Variants in GIPC3 observed in about 807,000 individuals in gnomAD.
GIPC3 encodes the protein PDZ domain-containing protein GIPC3.
A neutral mutation model predicts 27.3 loss-of-function variants in GIPC3; 16 were observed. That is an observed-to-expected ratio of 0.59 (90% CI 0.40 to 0.89). The LOEUF is 0.89. GIPC3 is among the 40% of genes least tolerant of loss of function. The pLI is 0.00. For synonymous variants in GIPC3, 194 were observed against 184.6 expected, an observed-to-expected ratio of 1.05 and a Z score of -0.41; for missense variants, 440 against 442.1, an observed-to-expected ratio of 1.00 and a Z score of 0.04.
In GIPC3 at chr19:3,585,815, C is replaced by G. The variant is rs1435486773; in HGVS notation, c.218C>G (p.Pro73Arg). The G allele has an allele frequency of 3.2e-6, 5 of 1,544,908 alleles. No individual in the cohort carries two copies. The highest frequency in any genetic ancestry group is 4.4e-6 in the Non-Finnish European group (5 of 1,146,110). Residue 73 changes from proline (P) to arginine (R), a missense_variant, in exon 1 of 6, where the codon CCC becomes CGC. Pro to Arg is a moderately radical substitution (Grantham distance 103, BLOSUM62 -2). Transcript: ENST00000644452. ...ATCGCCGAAGCCTTCGGGATCGCGCCCACCGAGGTAAGGAGCCCGGACACC... is the reference window on the plus strand; with the variant it reads ...ATCGCCGAAGCCTTCGGGATCGCGCGCACCGAGGTAAGGAGCCCGGACACC... Reference protein sequence around the residue: ...AKIAEAFGIAPTEILFCTLNS... With the variant: ...AKIAEAFGIARTEILFCTLNS...
In GIPC3 at chr19:3,591,630, C is replaced by T; in HGVS notation, c.*1440C>T. On this transcript the variant is annotated 3_prime_UTR_variant, in exon 6 of 6. Transcript: ENST00000644452. Reference sequence around the variant, plus strand: ...AAGAACTCAGACCAGCTCAGAAACCCAGGTCCACACGGCTGCCCAGTCCAG... The same window carrying T: ...AAGAACTCAGACCAGCTCAGAAACCTAGGTCCACACGGCTGCCCAGTCCAG... The T allele has an allele frequency of 8.1e-7, 1 of 1,233,656 alleles. No homozygotes were observed. Among genetic ancestry groups the T allele is most frequent in the Non-Finnish European group, 1.0e-6 (1 of 989,292 alleles). The allele number at this position is 1,233,656 out of a possible 1,614,324, so 76.4% of individuals were successfully genotyped here. A position where few individuals can be genotyped will look rare whatever the true frequency, so the allele number is the denominator to read the frequency against.
rs906870590 is a variant in GIPC3 at position 3,591,422 on chromosome 19, C to T, written c.*1232C>T. ...AGGCTAGCTCGGAGACCAAGCCCTGCTGGAAAACTCAAGCTGACTCTGGAA... is the reference window on the plus strand; with the variant it reads ...AGGCTAGCTCGGAGACCAAGCCCTGTTGGAAAACTCAAGCTGACTCTGGAA... On this transcript the variant is annotated 3_prime_UTR_variant, in exon 6 of 6. Transcript: ENST00000644452. 4.2e-5 allele frequency: 52 copies of T among 1,232,192 alleles called. No homozygotes were observed. The highest frequency in any genetic ancestry group is 5.2e-5 in the Non-Finnish European group (51 of 988,174). The allele number at this position is 1,232,192 out of a possible 1,614,324, so 76.3% of individuals were successfully genotyped here.
At position 3,591,728 on chromosome 19, in the gene GIPC3, C is replaced by G; in HGVS notation, c.*1538C>G. The G allele has an allele frequency of 8.1e-7, 1 of 1,233,824 alleles. No individual in the cohort carries two copies. Among genetic ancestry groups the G allele is most frequent in the Non-Finnish European group, 1.0e-6 (1 of 989,366 alleles). The allele number at this position is 1,233,824 out of a possible 1,614,324, so 76.4% of individuals were successfully genotyped here. A position where few individuals can be genotyped will look rare whatever the true frequency, so the allele number is the denominator to read the frequency against. On this transcript the variant is annotated 3_prime_UTR_variant, in exon 6 of 6. Transcript: ENST00000644452. ...AGTCCAGCTCCAGTGATGATTCCAGCTCTGAGACTGAGCCCAGCTCTAGAA... is the reference window on the plus strand; with the variant it reads ...AGTCCAGCTCCAGTGATGATTCCAGGTCTGAGACTGAGCCCAGCTCTAGAA...
intron 3 of GIPC3, among the ~76,000 whole-genome samples, chr19:3,587,695 C>CTTTTTTCTTTTTTTTT (rs548820972): frequency 7.6e-6 from 1 of 131,204 alleles, no homozygotes. Context: ...CTTTTCTTTT[C>CTTTTTTCTTTTTTTTT]TTTTTTTTTT....
Position 3,586,519 on chromosome 19 carries a change from CA to C in GIPC3, c.251del (p.His84ProfsTer13). 1 of 1,613,854 alleles carries C rather than the reference CA, an allele frequency of 6.2e-7. No homozygotes were observed. Among genetic ancestry groups the C allele is most frequent in the Non-Finnish European group, 8.5e-7 (1 of 1,179,976 alleles). ...GATTTTATTCTGCACCCTCAACAGC[CA>C]CAAAGTGGACATGCAGAAGCTCCTG... ...TEILFCTLNSHKVDMQKLLGG... is the reference protein window; with the variant it reads ...TEILFCTLNSXKVDMQKLLGG... On this transcript the variant is annotated frameshift_variant, in exon 2 of 6. Transcript: ENST00000644452. LOFTEE classifies it high-confidence loss of function.
In GIPC3 at chr19:3,592,133, A is replaced by G; in HGVS notation, c.*1943A>G. The G allele has an allele frequency of 8.1e-7, 1 of 1,231,942 alleles. No homozygotes were observed. The highest frequency in any genetic ancestry group is 1.0e-6 in the Non-Finnish European group (1 of 988,028). The allele number at this position is 1,231,942 out of a possible 1,614,324, so 76.3% of individuals were successfully genotyped here. A position where few individuals can be genotyped will look rare whatever the true frequency, so the allele number is the denominator to read the frequency against. On this transcript the variant is annotated 3_prime_UTR_variant, in exon 6 of 6. Transcript: ENST00000644452. Reference sequence around the variant, plus strand: ...CTGGGACCCAGGCCATCGCAGCAATAGAATTAAGCTCCACAGCCCTGTCTA... The same window carrying G: ...CTGGGACCCAGGCCATCGCAGCAATGGAATTAAGCTCCACAGCCCTGTCTA...
At position 3,586,670 on chromosome 19, in the gene GIPC3, C is replaced by A; in HGVS notation, c.401C>A (p.Ala134Asp). 1.2e-6 allele frequency: 2 copies of A among 1,609,742 alleles called. No individual in the cohort carries two copies. The highest frequency in any genetic ancestry group is 1.7e-6 in the Non-Finnish European group (2 of 1,177,174). Residue 134 changes from alanine to aspartate, a missense_variant, in exon 2 of 6, where the codon GCC becomes GAC. Physicochemically the swap from Ala to Asp is moderately radical, Grantham distance 126. Coordinates refer to ENST00000644452, the MANE Select transcript of GIPC3 (RefSeq NM_133261.3). ...ATCACGGACAACGGGGCTGGCTACG[C>A]CTTCATCAAGGTGCCCGGGAGGGGG... ...LTITDNGAGYAFIKRIKEGSI... is the reference protein window; with the variant it reads ...LTITDNGAGYDFIKRIKEGSI...
At position 3,590,375 on chromosome 19, in the gene GIPC3, A is replaced by G. The variant is rs918955291; in HGVS notation, c.*185A>G. The G allele has an allele frequency of 5.6e-6, 8 of 1,437,416 alleles. No individual in the cohort carries two copies. Among genetic ancestry groups the G allele is most frequent in the Non-Finnish European group, 7.3e-6 (8 of 1,100,336 alleles). The allele number at this position is 1,437,416 out of a possible 1,614,324, so 89.0% of individuals were successfully genotyped here. A position where few individuals can be genotyped will look rare whatever the true frequency, so the allele number is the denominator to read the frequency against. On this transcript the variant is annotated 3_prime_UTR_variant, in exon 6 of 6. Coordinates refer to ENST00000644452, the MANE Select transcript of GIPC3 (RefSeq NM_133261.3). ...TCCAGCCCAGATCTGAGGCCAAGCTATGTGCTAGAGCCCAGGCCAGCTCTG... is the reference window on the plus strand; with the variant it reads ...TCCAGCCCAGATCTGAGGCCAAGCTGTGTGCTAGAGCCCAGGCCAGCTCTG...
Position 3,590,510 on chromosome 19 carries a change from G to A in GIPC3, c.*320G>A. 1 of 1,395,442 alleles carries A rather than the reference G, an allele frequency of 7.2e-7. No individual in the cohort carries two copies. Among genetic ancestry groups the A allele is most frequent in the Non-Finnish European group, 9.3e-7 (1 of 1,080,736 alleles). The allele number at this position is 1,395,442 out of a possible 1,614,324, so 86.4% of individuals were successfully genotyped here. A position where few individuals can be genotyped will look rare whatever the true frequency, so the allele number is the denominator to read the frequency against. On this transcript the variant is annotated 3_prime_UTR_variant, in exon 6 of 6. Coordinates refer to ENST00000644452, the MANE Select transcript of GIPC3 (RefSeq NM_133261.3). The stretch of plus-strand genomic sequence containing the variant: ...GCTTTGAGACCATGCCCAGCACTGA[G>A]ACCAAGCCCTGTTCTAGAACTCAGG...
chr19:3,588,620 G>A (rs1216495606), intron 3 of GIPC3, among the ~76,000 whole-genome samples: 7 of 145,190 alleles, frequency 4.8e-5, no homozygotes, highest in Admixed American at 2.7e-4. Flanking sequence ...GATCACCTGA[G>A]GTCAGGTGAT....
chr19:3,592,965 A>G lies in GIPC3; in HGVS notation c.*2775A>G, dbSNP rs529854229. 1.2e-4 allele frequency: 131 copies of G among 1,058,190 alleles called. 1 individual carries two copies. Among genetic ancestry groups the G allele is most frequent in the South Asian group, 3.4e-4 (7 of 20,606 alleles). 65.6% of individuals were successfully genotyped at this position (1,058,190 alleles called of 1,614,324 possible). On this transcript the variant is annotated 3_prime_UTR_variant, in exon 6 of 6. Transcript: ENST00000644452. ...CCCCAGAGACCCCACCCCAGCCCCT[A>G]GCAAAGACCCCCAGCCTCTGCCTCA... is the stretch of plus-strand genomic sequence containing the variant.
intron 3 of GIPC3, among the ~76,000 whole-genome samples, chr19:3,587,895 T>C (rs530516124): frequency 6.6e-6 from 1 of 151,840 alleles, no homozygotes; most frequent in East Asian, 2.0e-4. Flanking sequence ...TTTACCGTGT[T>C]AGCCAGGACG....
chr19:3,586,373 C>A (rs2145269174), intron 1 of GIPC3, 122 bp from the exon 2 acceptor site: 1 of 869,718 alleles, frequency 1.1e-6, no homozygotes, highest in Non-Finnish European at 1.9e-6. Flanking sequence ...GGGGGTCCCA[C>A]GCCCTGCCCT....
chr19:3,590,265 C>T lies in GIPC3; in HGVS notation c.*75C>T, dbSNP rs893701577. ...GCCCCGGCCCTGCTCCAGAACCCAGCCCAGATCGGAGGACAAGTTCCTCTC... is the reference window on the plus strand; with the variant it reads ...GCCCCGGCCCTGCTCCAGAACCCAGTCCAGATCGGAGGACAAGTTCCTCTC... On this transcript the variant is annotated 3_prime_UTR_variant, in exon 6 of 6. Transcript: ENST00000644452. 2.6e-6 allele frequency: 4 copies of T among 1,520,924 alleles called. No individual in the cohort carries two copies. The highest frequency in any genetic ancestry group is 3.5e-6 in the Non-Finnish European group (4 of 1,132,234). The allele number at this position is 1,520,924 out of a possible 1,614,324, so 94.2% of individuals were successfully genotyped here. A position where few individuals can be genotyped will look rare whatever the true frequency, so the allele number is the denominator to read the frequency against.
In GIPC3 at chr19:3,590,922, A is replaced by G. The variant is rs1433955570; in HGVS notation, c.*732A>G. The G allele has an allele frequency of 4.9e-6, 6 of 1,232,962 alleles. No individual in the cohort carries two copies. In the African/African-American group the frequency reaches 9.4e-5, roughly 19 times the overall value. The allele number at this position is 1,232,962 out of a possible 1,614,324, so 76.4% of individuals were successfully genotyped here. A position where few individuals can be genotyped will look rare whatever the true frequency, so the allele number is the denominator to read the frequency against. On this transcript the variant is annotated 3_prime_UTR_variant, in exon 6 of 6. Transcript: ENST00000644452. ...GAGCTCTGAGACCATGCCCAGCTCT[A>G]GAACTCAGATGAGCTCTGAGACAGA...
chr19:3,590,020 C>T lies in GIPC3; in HGVS notation c.788-19C>T. 11 of 1,613,072 alleles carry T rather than the reference C, an allele frequency of 6.8e-6. No homozygotes were observed. The highest frequency in any genetic ancestry group is 1.1e-5 in the South Asian group (1 of 91,050). Reference sequence around the variant, plus strand: ...GCGGGGAGTGCCCTCACTGACATCCCCTCTGGCACGGCCCGCAGCGTCCAC... The same window carrying T: ...GCGGGGAGTGCCCTCACTGACATCCTCTCTGGCACGGCCCGCAGCGTCCAC... On this transcript the variant is annotated intron_variant, in intron 5 of 5. Transcript: ENST00000644452.
At position 3,590,920 on chromosome 19, in the gene GIPC3, C is replaced by G; in HGVS notation, c.*730C>G. On this transcript the variant is annotated 3_prime_UTR_variant, in exon 6 of 6. Coordinates refer to ENST00000644452, the MANE Select transcript of GIPC3 (RefSeq NM_133261.3). ...ATGAGCTCTGAGACCATGCCCAGCT[C>G]TAGAACTCAGATGAGCTCTGAGACA... The G allele has an allele frequency of 7.3e-6, 9 of 1,234,602 alleles. No homozygotes were observed. Among genetic ancestry groups the G allele is most frequent in the Non-Finnish European group, 9.1e-6 (9 of 989,702 alleles). The allele number at this position is 1,234,602 out of a possible 1,614,324, so 76.5% of individuals were successfully genotyped here.
chr19:3,586,759 C>A (rs941263972), intron 2 of GIPC3, 55 bp from the exon 3 acceptor site: 26 of 1,611,274 alleles, frequency 1.6e-5, no homozygotes, highest in Non-Finnish European at 2.1e-5. Flanking sequence ...GTGGGTTCTG[C>A]GGATTGGAGG....
intron 3 of GIPC3, among the ~76,000 whole-genome samples, chr19:3,588,998 C>T (rs183420146): frequency 6.6e-6 from 1 of 151,946 alleles, no homozygotes; most frequent in East Asian, 1.9e-4. Flanking sequence ...CTCTAGAGCC[C>T]AGGCCAGCTC....
Sources: gnomAD v4.1 joint callset for allele counts (sites outside exome capture counted in the v4.1 genomes callset) on GRCh38, gnomAD v4.1.1 for gene constraint, MANE v1.5 for transcripts, NCBI Gene and HGNC (gene_info 2026-07-23, HGNC 2026-07-21) for gene names.